PRKDC: variants seen among roughly 807,000 people sequenced by gnomAD.
PRKDC encodes DNA-dependent protein kinase catalytic subunit.
PRKDC carries 82 observed loss-of-function variants against 486.9 expected under a neutral mutation model. The observed-to-expected ratio is 0.17, with a 90% CI of 0.14 to 0.20. PRKDC has a LOEUF of 0.20. Ranked by LOEUF, PRKDC falls within the 10% of genes least tolerant of loss-of-function variation. The probability of loss-of-function intolerance (pLI) is 1.00; values close to 1 mark genes in which losing one functional copy is unlikely to be tolerated. For missense variants in PRKDC, 4,504 were observed against 5,038.2 expected (o/e 0.89, Z 3.21); for synonymous variants, 1,895 against 1,837.0 (o/e 1.03, Z -0.81).
Position 47,782,910 on chromosome 8 carries a change from C to T in PRKDC, c.11176-312G>A. 1 of 393,460 alleles carries T rather than the reference C, an allele frequency of 2.5e-6. No homozygotes were observed. The highest frequency in any genetic ancestry group is 3.8e-5 in the Admixed American group (1 of 26,104). The allele number at this position is 393,460 out of a possible 1,614,324, so 24.4% of individuals were successfully genotyped here. On this transcript the variant is annotated intron_variant, in intron 78 of 85. Transcript: ENST00000314191. The surrounding 1 kb of genome is among the most constrained non-coding windows in gnomAD (Gnocchi z 4.9). ...CTACACATATTTTATAGTGGATACTCACACACAGCTTACTCTTTGAGTTTA... is the reference window on the plus strand; with the variant it reads ...CTACACATATTTTATAGTGGATACTTACACACAGCTTACTCTTTGAGTTTA...
chr8:47,856,625 A>G (rs2088547239), intron 49 of PRKDC, among the ~76,000 whole-genome samples: 1 of 152,170 alleles, frequency 6.6e-6, no homozygotes, highest in Non-Finnish European at 1.5e-5. Context: ...TTAAATGAGT[A>G]GGCAAAGCAC....
intron 45 of PRKDC, 38 bp downstream of exon 45, chr8:47,860,861 G>T (rs568138354): frequency 6.0e-6 from 9 of 1,498,984 alleles, no homozygotes; most frequent in South Asian, 2.4e-5. Context: ...ATAACCCATC[G>T]ATTTGAATCC....
intron 11 of PRKDC, among the ~76,000 whole-genome samples, chr8:47,938,224 T>A (rs1258815390): frequency 6.6e-6 from 1 of 150,850 alleles, no homozygotes; most frequent in Non-Finnish European, 1.5e-5. Flanking sequence ...CTGACCAACA[T>A]GGAGAAACCC....
intron 67 of PRKDC, among the ~76,000 whole-genome samples, chr8:47,818,029 T>C (rs1323192633): frequency 6.6e-6 from 1 of 152,186 alleles, no homozygotes; most frequent in Non-Finnish European, 1.5e-5. Context: ...GTAATATTTC[T>C]AGTGTCCAAA....
chr8:47,921,909 T>C (rs2090077725), intron 21 of PRKDC, among the ~76,000 whole-genome samples: 3 of 151,764 alleles, frequency 2.0e-5, no homozygotes, highest in Admixed American at 2.0e-4. Flanking sequence ...GCCTCCCGAG[T>C]AGCCGGGATT....
intron 51 of PRKDC, among the ~76,000 whole-genome samples, 171 bp downstream of exon 51, chr8:47,853,912 T>A (rs556252042): frequency 2.0e-5 from 3 of 152,306 alleles, no homozygotes; most frequent in South Asian, 4.1e-4. Context: ...GCAATCCTCC[T>A]GCCTTGGCCT....
chr8:47,827,315 T>C (rs557621397), intron 62 of PRKDC, among the ~76,000 whole-genome samples: 4 of 152,234 alleles, frequency 2.6e-5, no homozygotes, highest in African/African-American at 9.6e-5. Context: ...ATACTACCGA[T>C]AAACAATATT....
chr8:47,870,641 T>A (rs978039635), intron 40 of PRKDC, among the ~76,000 whole-genome samples: 1 of 152,120 alleles, frequency 6.6e-6, no homozygotes, highest in Non-Finnish European at 1.5e-5. Context: ...AAGACTACAA[T>A]AAATACCTAA....
intron 24 of PRKDC, among the ~76,000 whole-genome samples, chr8:47,913,173 C>T (rs1490474615): frequency 6.6e-6 from 1 of 152,166 alleles, no homozygotes; most frequent in Non-Finnish European, 1.5e-5. Flanking sequence ...AACCAAAAAA[C>T]TAGTGTGATT....
intron 76 of PRKDC, 93 bp from the exon 77 acceptor site, chr8:47,785,410 AATGGT>A: frequency 1.0e-6 from 1 of 981,368 alleles, no homozygotes; most frequent in Non-Finnish European, 1.5e-6. Flanking sequence ...TGGAGTGCTC[AATGGT>A]ATATGTTTCT....
chr8:47,952,465 A>G (rs780184431), intron 7 of PRKDC, among the ~76,000 whole-genome samples: 2 of 152,206 alleles, frequency 1.3e-5, no homozygotes, highest in Non-Finnish European at 2.9e-5. Flanking sequence ...ATGGGGGAAG[A>G]GATTAACTAT....
intron 49 of PRKDC, 95 bp downstream of exon 49, chr8:47,857,059 GCA>G: frequency 7.7e-7 from 1 of 1,305,736 alleles, no homozygotes; most frequent in Non-Finnish European, 1.0e-6. Flanking sequence ...GAAAACCATA[GCA>G]CAGTCAGTGA....
chr8:47,885,292 C>T (rs1273154123), intron 36 of PRKDC, among the ~76,000 whole-genome samples: 1 of 152,070 alleles, frequency 6.6e-6, no homozygotes, highest in Non-Finnish European at 1.5e-5. Flanking sequence ...GCTGGGATTA[C>T]AGGCACACAC....
At chr8:47,899,568 A>C (rs940825014) in intron 28 of PRKDC, among the ~76,000 whole-genome samples, 12 of 152,162 alleles carry the variant, frequency 7.9e-5, no homozygotes, top group African/African-American at 1.2e-4. Flanking sequence ...GCTTGAACCC[A>C]GGAGGCGGAG....
rs560557788 is a variant in PRKDC at position 47,957,513 on chromosome 8, T to C, written c.155-82A>G. 9.4e-5 allele frequency: 113 copies of C among 1,203,832 alleles called. No individual in the cohort carries two copies. The African/African-American group carries it at 1.6e-3, about 17-fold the overall frequency. 74.6% of individuals were successfully genotyped at this position (1,203,832 alleles called of 1,614,324 possible). ...ACTCCTAAAGGGGTTGCAATGATTTTCTTATTATTTTTTTTGAGATGGAGT... is the reference window on the plus strand; with the variant it reads ...ACTCCTAAAGGGGTTGCAATGATTTCCTTATTATTTTTTTTGAGATGGAGT... On this transcript the variant is annotated intron_variant, in intron 1 of 85. Coordinates refer to ENST00000314191, the MANE Select transcript of PRKDC (RefSeq NM_006904.7).
chr8:47,829,997 T>A (rs1054756248), intron 61 of PRKDC, among the ~76,000 whole-genome samples: 1 of 151,996 alleles, frequency 6.6e-6, no homozygotes, highest in African/African-American at 2.4e-5. Context: ...AGAACAAAAC[T>A]AGAAGCACCG....
intron 16 of PRKDC, among the ~76,000 whole-genome samples, chr8:47,931,649 C>T (rs924329773): frequency 3.3e-5 from 5 of 152,182 alleles, no homozygotes; most frequent in African/African-American, 7.2e-5. Flanking sequence ...TACTGTGTCC[C>T]TTCATGTTTC....
intron 50 of PRKDC, among the ~76,000 whole-genome samples, chr8:47,854,420 G>C (rs1482463028): frequency 6.6e-6 from 1 of 152,060 alleles, no homozygotes; most frequent in Non-Finnish European, 1.5e-5. Flanking sequence ...CTTGCTGCAA[G>C]CTCTGCCCCC....
At chr8:47,786,363 G>T (rs180892018) in intron 76 of PRKDC, among the ~76,000 whole-genome samples, 1 of 152,288 alleles carries the variant, frequency 6.6e-6, no homozygotes, top group African/African-American at 2.4e-5. Flanking sequence ...AGTGAGCCGA[G>T]ATCATGCCAC....
Sources: gnomAD v4.1 joint callset for allele counts (sites outside exome capture counted in the v4.1 genomes callset) on GRCh38, gnomAD v4.1.1 for gene constraint, Gnocchi (gnomAD v3.1) non-coding constraint, MANE v1.5 for transcripts, NCBI Gene and HGNC (gene_info 2026-07-23, HGNC 2026-07-21) for gene names.